The following KCNQ5 variants were observed in gnomAD, a reference collection of about 807,000 sequenced individuals.
KCNQ5 encodes the protein potassium voltage-gated channel subfamily Q member 5.
KCNQ5 carries 30 observed loss-of-function variants against 98.2 expected under a neutral mutation model. That is an observed-to-expected ratio of 0.31 (90% CI 0.23 to 0.41). KCNQ5 has a LOEUF of 0.41. Ranked by LOEUF, KCNQ5 falls within the 10% of genes least tolerant of loss-of-function variation. KCNQ5 has a pLI of 1.00. For synonymous variants in KCNQ5, 458 were observed against 449.4 expected (o/e 1.02, Z -0.24); for missense variants, 835 against 1,182.5 (o/e 0.71, Z 4.31).
Position 72,622,277 on chromosome 6 carries a change from G to A in KCNQ5, c.88G>A (p.Gly30Arg), listed in dbSNP as rs752456265. Residue 30 changes from glycine to arginine, a missense_variant, in exon 1 of 14, where the codon GGG becomes AGG. Around this residue, in one of 10 missense-constraint regions of KCNQ5, gnomAD observed 80 missense variants for 72.3 expected, o/e 1.11. Transcript: ENST00000370398. This position sits in a 1 kb window ranked among gnomAD's most constrained non-coding sequence, Gnocchi z 6.0. ...CGCAGCGGCGGCGGCGGCGGGCGGG[G>A]GGCGCTTGGGCAGCGGCATGAAGGA... ...SGAAAAAAGG[G>R]RLGSGMKDVE... 1 of 1,276,654 alleles carries A rather than the reference G, an allele frequency of 7.8e-7. No homozygotes were observed. The highest frequency in any genetic ancestry group is 9.9e-7 in the Non-Finnish European group (1 of 1,014,532). The allele number at this position is 1,276,654 out of a possible 1,614,324, so 79.1% of individuals were successfully genotyped here. A position where few individuals can be genotyped will look rare whatever the true frequency, so the allele number is the denominator to read the frequency against.
rs62412476 is a variant in KCNQ5 at position 72,942,049 on chromosome 6, A to G, written c.399-61859A>G. On this transcript the variant is annotated intron_variant, in intron 1 of 13. Coordinates refer to ENST00000370398, the MANE Select transcript of KCNQ5 (RefSeq NM_019842.4). ...GAAGGGCATTTTCTGCTAAAGCAGTAACTCCTACAGAGAACCTGTGGCCTG... is the reference window on the plus strand; with the variant it reads ...GAAGGGCATTTTCTGCTAAAGCAGTGACTCCTACAGAGAACCTGTGGCCTG... Among the ~76,000 whole-genome samples, 338 of 152,248 alleles carry G rather than the reference A, an allele frequency of 2.2e-3. 1 individual carries two copies. The highest frequency in any genetic ancestry group is 3.7e-3 in the Non-Finnish European group (251 of 68,016).
chr6:72,934,780 C>G (rs1387075113), intron 1 of KCNQ5, among the ~76,000 whole-genome samples: 1 of 152,170 alleles, frequency 6.6e-6, no homozygotes, highest in Non-Finnish European at 1.5e-5. Context: ...TTTCACTCCA[C>G]TGATCAACAA....
intron 1 of KCNQ5, among the ~76,000 whole-genome samples, chr6:72,910,472 A>G (rs1420596986): frequency 6.6e-6 from 1 of 151,848 alleles, no homozygotes; most frequent in Non-Finnish European, 1.5e-5. Flanking sequence ...CTTACCTATC[A>G]TTCTTCACCC....
Position 72,812,893 on chromosome 6 carries a change from T to C in KCNQ5, c.398+190306T>C, listed in dbSNP as rs190573786. 1.4e-3 allele frequency among the ~76,000 whole-genome samples: 215 copies of C among 152,348 alleles called. 4 individuals are homozygous for C. The highest frequency in any genetic ancestry group is 5.8e-4 in the East Asian group (3 of 5,194). Reference sequence around the variant, plus strand: ...TTACTGGGTCAAGTGAGGGGCATTTTAAAATGGAAACACTATTTTTCTAAT... The same window carrying C: ...TTACTGGGTCAAGTGAGGGGCATTTCAAAATGGAAACACTATTTTTCTAAT... On this transcript the variant is annotated intron_variant, in intron 1 of 13. Coordinates refer to ENST00000370398, the MANE Select transcript of KCNQ5 (RefSeq NM_019842.4).
intron 3 of KCNQ5, 42 bp downstream of exon 3, chr6:73,042,104 AT>A: frequency 1.2e-6 from 2 of 1,610,010 alleles, no homozygotes. Context: ...TGACACCAAC[AT>A]TCTTGTCTTC....
At chr6:72,755,774 A>G (rs1771935080) in intron 1 of KCNQ5, among the ~76,000 whole-genome samples, 1 of 152,198 alleles carries the variant, frequency 6.6e-6, no homozygotes. Flanking sequence ...CTTTATATGT[A>G]CCTTTATTTC....
At chr6:72,987,199 CG>C in intron 1 of KCNQ5, 1 of 685,124 alleles carries the variant, frequency 1.5e-6, no homozygotes. Flanking sequence ...ATTGAGGAGC[CG>C]GCTCTGAAAA....
chr6:72,936,977 A>G (rs1033099518), intron 1 of KCNQ5, among the ~76,000 whole-genome samples: 32 of 152,228 alleles, frequency 2.1e-4, no homozygotes, highest in Non-Finnish European at 1.8e-4. Context: ...TAATTGAGAT[A>G]GAACTGCGGC....
chr6:73,145,479 C>T (rs1363361561), intron 10 of KCNQ5, among the ~76,000 whole-genome samples: 1 of 152,202 alleles, frequency 6.6e-6, no homozygotes, highest in Non-Finnish European at 1.5e-5. Flanking sequence ...GATTTATTGT[C>T]TTCTTTTTCA....
At chr6:73,006,542 A>C (rs1364653485) in intron 2 of KCNQ5, among the ~76,000 whole-genome samples, 1 of 152,108 alleles carries the variant, frequency 6.6e-6, no homozygotes, top group Non-Finnish European at 1.5e-5. Context: ...AATCCCAGCT[A>C]TTTGTGAGGC....
chr6:72,651,447 A>G (rs764239571), intron 1 of KCNQ5, among the ~76,000 whole-genome samples: 1 of 152,092 alleles, frequency 6.6e-6, no homozygotes, highest in Non-Finnish European at 1.5e-5. Flanking sequence ...AAATATTTTT[A>G]CTAGAAATAC....
intron 11 of KCNQ5, among the ~76,000 whole-genome samples, chr6:73,182,109 T>C (rs1384582836): frequency 6.6e-6 from 1 of 152,218 alleles, no homozygotes; most frequent in African/African-American, 2.4e-5. Context: ...ATTCTTGGCT[T>C]CAGGGCATTT....
At chr6:72,878,091 T>C (rs917260354) in intron 1 of KCNQ5, among the ~76,000 whole-genome samples, 2 of 152,082 alleles carry the variant, frequency 1.3e-5, no homozygotes, top group Non-Finnish European at 2.9e-5. Context: ...ACCTACATGG[T>C]GAAACCCCGT....
intron 2 of KCNQ5, among the ~76,000 whole-genome samples, chr6:73,008,140 T>A (rs1414588289): frequency 6.6e-6 from 1 of 151,054 alleles, no homozygotes; most frequent in Non-Finnish European, 1.5e-5. Context: ...ATTCAAACAT[T>A]TCACTACAAA....
chr6:72,836,296 T>C (rs950432083), intron 1 of KCNQ5, among the ~76,000 whole-genome samples: 1 of 152,198 alleles, frequency 6.6e-6, no homozygotes, highest in Non-Finnish European at 1.5e-5. Context: ...ATTTATTAGA[T>C]GGCAGATAGA....
intron 1 of KCNQ5, among the ~76,000 whole-genome samples, chr6:72,856,495 C>CACGT (rs1554171766): frequency 6.9e-6 from 1 of 144,144 alleles, no homozygotes; most frequent in Non-Finnish European, 1.5e-5. Flanking sequence ...CACACACACA[C>CACGT]GTGTGTGTAT....
chr6:73,075,616 C>T (rs1288664264), intron 3 of KCNQ5, among the ~76,000 whole-genome samples: 1 of 152,176 alleles, frequency 6.6e-6, no homozygotes, highest in Non-Finnish European at 1.5e-5. Flanking sequence ...CCTTTATTCA[C>T]TTAAAATATG....
chr6:72,835,530 A>G (rs1776468623), intron 1 of KCNQ5, among the ~76,000 whole-genome samples: 1 of 152,120 alleles, frequency 6.6e-6, no homozygotes, highest in Non-Finnish European at 1.5e-5. Flanking sequence ...TTCACTCACT[A>G]TTTTTATCAT....
intron 1 of KCNQ5, among the ~76,000 whole-genome samples, chr6:72,731,518 T>G (rs1259041882): frequency 1.3e-5 from 2 of 152,246 alleles, no homozygotes; most frequent in African/African-American, 4.8e-5. Context: ...CAGGCTTCTT[T>G]TTTTCCCTCA....
Sources: gnomAD v4.1 joint callset for allele counts (sites outside exome capture counted in the v4.1 genomes callset) on GRCh38, gnomAD v4.1.1 for gene constraint, gnomAD v4.1.1 regional missense constraint, Gnocchi (gnomAD v3.1) non-coding constraint, MANE v1.5 for transcripts, NCBI Gene and HGNC (gene_info 2026-07-23, HGNC 2026-07-21) for gene names.